ERBB4: variants seen among roughly 807,000 people sequenced by gnomAD.
ERBB4 encodes the protein receptor tyrosine-protein kinase erbB-4.
ERBB4 carries 42 observed loss-of-function variants against 158.0 expected under a neutral mutation model. The ratio of observed to expected loss-of-function variants is 0.27; its 90% CI spans 0.21 to 0.34. ERBB4 has a LOEUF of 0.34. Among genes scored for constraint, ERBB4 ranks in the 10% least tolerant of loss-of-function variants. ERBB4 has a pLI of 1.00. For missense variants in ERBB4, 1,333 were observed against 1,624.1 expected (o/e 0.82, Z 3.08); for synonymous variants, 583 against 558.7 (o/e 1.04, Z -0.61).
intron 2 of ERBB4, among the ~76,000 whole-genome samples, chr2:212,001,931 C>T (rs373930342): frequency 1.3e-5 from 2 of 152,068 alleles, no homozygotes; most frequent in African/African-American, 2.4e-5. Context: ...ATATTAATAG[C>T]GTGACCATTA....
At chr2:211,923,864 A>G (rs2079941966) in intron 3 of ERBB4, among the ~76,000 whole-genome samples, 1 of 152,042 alleles carries the variant, frequency 6.6e-6, no homozygotes, top group South Asian at 2.1e-4. Flanking sequence ...CTGGGATTAC[A>G]GGCATGCACC....
chr2:211,393,434 T>C (rs1265432972), intron 25 of ERBB4, among the ~76,000 whole-genome samples: 1 of 152,204 alleles, frequency 6.6e-6, no homozygotes, highest in Admixed American at 6.5e-5. Flanking sequence ...AGCCCGTCAC[T>C]CTATGACCTT....
intron 1 of ERBB4, among the ~76,000 whole-genome samples, chr2:212,282,514 C>G (rs1420518229): frequency 1.3e-5 from 2 of 151,842 alleles, no homozygotes; most frequent in Non-Finnish European, 2.9e-5. Flanking sequence ...ACCCAGGGAC[C>G]TCGAGTGTGT....
intron 3 of ERBB4, among the ~76,000 whole-genome samples, chr2:211,848,182 C>A (rs1008021614): frequency 6.6e-6 from 1 of 152,028 alleles, no homozygotes; most frequent in Non-Finnish European, 1.5e-5. Flanking sequence ...ATTGGCTCAA[C>A]AAGTAGAATA....
At chr2:211,928,242 T>C (rs2080072664) in intron 3 of ERBB4, among the ~76,000 whole-genome samples, 1 of 152,066 alleles carries the variant, frequency 6.6e-6, no homozygotes, top group South Asian at 2.1e-4. Context: ...ACTTCATCTG[T>C]ATGTAGGATT....
intron 12 of ERBB4, among the ~76,000 whole-genome samples, chr2:211,694,639 AAGATTT>A (rs1217043699): frequency 6.6e-6 from 1 of 151,868 alleles, no homozygotes; most frequent in Non-Finnish European, 1.5e-5. Flanking sequence ...AAGTATAATT[AAGATTT>A]TCTATTTTCT....
intron 1 of ERBB4, among the ~76,000 whole-genome samples, chr2:212,352,184 G>A (rs2089281803): frequency 6.6e-6 from 1 of 152,148 alleles, no homozygotes; most frequent in South Asian, 2.1e-4. Context: ...AGGGTAGGAG[G>A]AGGGAGAGGA....
chr2:212,476,568 T>A (rs1181825363), intron 1 of ERBB4, among the ~76,000 whole-genome samples: 1 of 152,186 alleles, frequency 6.6e-6, no homozygotes, highest in Non-Finnish European at 1.5e-5. Flanking sequence ...TGAAGATTTC[T>A]AAAAATTATT....
At chr2:212,412,407 A>C (rs1311881367) in intron 1 of ERBB4, among the ~76,000 whole-genome samples, 1 of 152,082 alleles carries the variant, frequency 6.6e-6, no homozygotes, top group African/African-American at 2.4e-5. Flanking sequence ...TCAAGATCCT[A>C]AAGTATGTGG....
chr2:211,410,448 A>C (rs2063234338), intron 25 of ERBB4, among the ~76,000 whole-genome samples: 1 of 152,236 alleles, frequency 6.6e-6, no homozygotes, highest in Non-Finnish European at 1.5e-5. Context: ...AAAGGACTAG[A>C]CTTTGTTTAA....
chr2:211,529,913 C>G (rs2066449899), intron 20 of ERBB4, among the ~76,000 whole-genome samples: 1 of 152,030 alleles, frequency 6.6e-6, no homozygotes, highest in Non-Finnish European at 1.5e-5. Flanking sequence ...AACTGAAAGC[C>G]TTTTTCTCTA....
Position 211,382,529 on chromosome 2 carries a change from A to G in ERBB4, c.*1086T>C, listed in dbSNP as rs2062590358. On this transcript the variant is annotated 3_prime_UTR_variant, in exon 28 of 28. Transcript: ENST00000342788. ...AAAGAACAAATAAAATTACAGCTTA[A>G]GTGCAAACTACATTTCTGAGTATCT... 4.3e-6 allele frequency: 1 copy of G among 232,958 alleles called. No individual in the cohort carries two copies. Among genetic ancestry groups the G allele is most frequent in the African/African-American group, 2.2e-5 (1 of 45,434 alleles). 14.4% of individuals were successfully genotyped at this position (232,958 alleles called of 1,614,324 possible). A position where few individuals can be genotyped will look rare whatever the true frequency, so the allele number is the denominator to read the frequency against.
chr2:212,226,983 C>T (rs906971893), intron 1 of ERBB4, among the ~76,000 whole-genome samples: 9 of 152,148 alleles, frequency 5.9e-5, no homozygotes, highest in Admixed American at 2.6e-4. Flanking sequence ...CAATGGCTCA[C>T]GCCTGTAATC....
In ERBB4 at chr2:211,378,655, G is replaced by T. The variant is rs58853206; in HGVS notation, c.*4960C>A. ...AAAAACTGGCCCCATTGTAATATCAGTAATAATGAGGTCTCCACTGATAAT... is the reference window on the plus strand; with the variant it reads ...AAAAACTGGCCCCATTGTAATATCATTAATAATGAGGTCTCCACTGATAAT... On this transcript the variant is annotated 3_prime_UTR_variant, in exon 28 of 28. Coordinates refer to ENST00000342788, the MANE Select transcript of ERBB4 (RefSeq NM_005235.3). 13,290 of 232,116 alleles carry T rather than the reference G, an allele frequency of 0.057. 1,662 individuals carry two copies. The highest frequency in any genetic ancestry group is 0.27 in the African/African-American group (12,075 of 45,258). The allele number at this position is 232,116 out of a possible 1,614,324, so 14.4% of individuals were successfully genotyped here. A position where few individuals can be genotyped will look rare whatever the true frequency, so the allele number is the denominator to read the frequency against.
intron 7 of ERBB4, among the ~76,000 whole-genome samples, chr2:211,717,433 A>T (rs1173094679): frequency 6.6e-6 from 1 of 152,236 alleles, no homozygotes; most frequent in Admixed American, 6.5e-5. Flanking sequence ...TTAAACACAC[A>T]TATATATACA....
At chr2:212,425,910 A>T (rs2105921761) in intron 1 of ERBB4, among the ~76,000 whole-genome samples, 1 of 152,102 alleles carries the variant, frequency 6.6e-6, no homozygotes, top group Non-Finnish European at 1.5e-5. Context: ...TCAAATTATT[A>T]ACATGCAGGA....
intron 1 of ERBB4, among the ~76,000 whole-genome samples, chr2:212,232,240 T>C (rs1389506452): frequency 6.6e-6 from 1 of 152,198 alleles, no homozygotes; most frequent in Admixed American, 6.5e-5. Flanking sequence ...TACATAAGTG[T>C]TTCATAATGC....
At chr2:212,090,913 ATTC>A (rs1198754696) in intron 2 of ERBB4, among the ~76,000 whole-genome samples, 4 of 152,104 alleles carry the variant, frequency 2.6e-5, no homozygotes, top group African/African-American at 7.2e-5. Flanking sequence ...GACATGTGCA[ATTC>A]TTCTTTTTTC....
intron 1 of ERBB4, among the ~76,000 whole-genome samples, chr2:212,260,706 G>A (rs563307774): frequency 3.9e-5 from 6 of 152,062 alleles, no homozygotes; most frequent in East Asian, 3.9e-4. Context: ...CAAGCTACTC[G>A]GGAGGCTAAT....
Sources: allele counts gnomAD v4.1 joint callset (sites outside exome capture counted in the v4.1 genomes callset), GRCh38; gene constraint gnomAD v4.1.1; transcripts MANE v1.5; gene names NCBI Gene and HGNC (gene_info 2026-07-23, HGNC 2026-07-21).